PRPF38B: variants seen among roughly 807,000 people sequenced by gnomAD.
The protein encoded by PRPF38B is pre-mRNA-splicing factor 38B.
PRPF38B carries 18 observed loss-of-function variants against 67.2 expected under a neutral mutation model. The observed-to-expected ratio is 0.27, with a 90% CI of 0.19 to 0.40. The LOEUF (loss-of-function observed/expected upper bound fraction) is 0.40, where lower values mean the gene tolerates loss of function less well. PRPF38B is among the 10% of genes least tolerant of loss of function. The pLI, the probability that PRPF38B is intolerant of heterozygous loss-of-function variation, is 1.00. For missense variants in PRPF38B, 544 were observed against 684.9 expected (o/e 0.79, Z 2.30); for synonymous variants, 246 against 234.2 (o/e 1.05, Z -0.46).
intron 4 of PRPF38B, chr1:108,697,788 A>G (rs537856803): frequency 1.3e-5 from 2 of 152,158 alleles, no homozygotes; most frequent in Non-Finnish European, 2.9e-5. Context: ...TATTTAAGCT[A>G]ACTTATTGTT....
rs1439468877 is a variant in PRPF38B at position 108,699,913 on chromosome 1, C to G, written c.1534C>G (p.His512Asp). 1.4e-5 allele frequency: 23 copies of G among 1,614,000 alleles called. No individual in the cohort carries two copies. The highest frequency in any genetic ancestry group is 1.9e-5 in the Non-Finnish European group (23 of 1,180,020). Residue 512 changes from histidine to aspartate, a missense_variant, in exon 6 of 6, where the codon CAC becomes GAC. Coordinates refer to ENST00000370025, the MANE Select transcript of PRPF38B (RefSeq NM_018061.4). Reference protein sequence around the residue: ...RSKERSHKRDHSDSKDQSDKH... With the variant: ...RSKERSHKRDDSDSKDQSDKH... Reference sequence around the variant, plus strand: ...CAAAGAACGTTCCCACAAACGAGATCACAGTGATAGTAAGGACCAGTCAGA... The same window carrying G: ...CAAAGAACGTTCCCACAAACGAGATGACAGTGATAGTAAGGACCAGTCAGA...
At position 108,699,840 on chromosome 1, in the gene PRPF38B, A is replaced by G. The variant is rs1341925149; in HGVS notation, c.1461A>G (p.Lys487=). Residue 487 remains lysine (K), a synonymous_variant, in exon 6 of 6, where the codon AAA becomes AAG. Transcript: ENST00000370025. ...CTGACAGTGTTGAAAAATCAAAAAA[A>G]CGGGAACATAGTCCCAGCAAAGAAA... ...GRTDSVEKSK[K]REHSPSKEKS... 1.9e-6 allele frequency: 3 copies of G among 1,613,194 alleles called. No homozygotes were observed. Among genetic ancestry groups the G allele is most frequent in the Non-Finnish European group, 2.5e-6 (3 of 1,179,830 alleles).
In PRPF38B at chr1:108,699,820, A is replaced by G; in HGVS notation, c.1441A>G (p.Ser481Gly). The change falls in exon 6 of 6, where the codon AGT (serine) becomes GGT (glycine). Residue 481 changes from serine to glycine, a missense_variant. Ser to Gly is a moderately conservative substitution (Grantham distance 56). Around this residue, in one of 5 missense-constraint regions of PRPF38B, gnomAD observed 387 missense variants for 386.1 expected, o/e 1.00. Transcript: ENST00000370025. ...SRSGSQGRTD[S>G]VEKSKKREHS... Reference sequence around the variant, plus strand: ...AAGTGGCAGTCAAGGAAGAACTGACAGTGTTGAAAAATCAAAAAAACGGGA... The same window carrying G: ...AAGTGGCAGTCAAGGAAGAACTGACGGTGTTGAAAAATCAAAAAAACGGGA... The G allele has an allele frequency of 1.2e-6, 2 of 1,613,004 alleles. No individual in the cohort carries two copies. The highest frequency in any genetic ancestry group is 1.7e-5 in the Admixed American group (1 of 59,682).
rs957619563 is a variant in PRPF38B, at chr1:108,700,338, G to A, written c.*318G>A. On this transcript the variant is annotated 3_prime_UTR_variant, in exon 6 of 6. Coordinates refer to ENST00000370025, the MANE Select transcript of PRPF38B (RefSeq NM_018061.4). ...CATGGTTGCCATGTTGGTTAAATTT[G>A]TATAAGGCAATAAACTGCCACTAAT... 2.2e-5 allele frequency: 5 copies of A among 226,504 alleles called. No individual in the cohort carries two copies. The East Asian group carries it at 3.9e-4, about 18-fold the overall frequency. The allele number at this position is 226,504 out of a possible 1,614,324, so 14.0% of individuals were successfully genotyped here. A position where few individuals can be genotyped will look rare whatever the true frequency, so the allele number is the denominator to read the frequency against.
chr1:108,694,440 C>T (rs1659649950), intron 1 of PRPF38B, among the ~76,000 whole-genome samples: 1 of 151,998 alleles, frequency 6.6e-6, no homozygotes, highest in Non-Finnish European at 1.5e-5. Context: ...AACTAAAGAC[C>T]CAGTTTTTTT....
At chr1:108,692,940 G>GC (rs1659464029) in intron 1 of PRPF38B, 73 bp downstream of exon 1, 1 of 1,520,668 alleles carries the variant, frequency 6.6e-7, no homozygotes, top group Non-Finnish European at 8.8e-7. Context: ...GGCGAAGGCG[G>GC]CCCCCGAAAT....
intron 4 of PRPF38B, chr1:108,698,277 G>T: frequency 9.4e-6 from 2 of 211,806 alleles, no homozygotes; most frequent in Non-Finnish European, 1.9e-5. Context: ...TATGTCCACA[G>T]AAATAAATAC....
rs1660464433 is a variant in PRPF38B, at chr1:108,701,265, A to T, written c.*1245A>T. The T allele has an allele frequency of 6.5e-6, 1 of 152,674 alleles. No individual in the cohort carries two copies. Among genetic ancestry groups the T allele is most frequent in the Non-Finnish European group, 1.5e-5 (1 of 68,048 alleles). 9.5% of individuals were successfully genotyped at this position (152,674 alleles called of 1,614,324 possible). On this transcript the variant is annotated 3_prime_UTR_variant, in exon 6 of 6. Coordinates refer to ENST00000370025, the MANE Select transcript of PRPF38B (RefSeq NM_018061.4). Reference sequence around the variant, plus strand: ...GTGGAAATTGATGAAACGTCAGTAGAGTCACACTTTGTGTACAGGGATGTC... The same window carrying T: ...GTGGAAATTGATGAAACGTCAGTAGTGTCACACTTTGTGTACAGGGATGTC...
chr1:108,693,818 A>G (rs1270468694), intron 1 of PRPF38B, among the ~76,000 whole-genome samples: 1 of 152,184 alleles, frequency 6.6e-6, no homozygotes, highest in Admixed American at 6.5e-5. Flanking sequence ...CAGGCCTCCG[A>G]AAGTTAATTT....
rs777992314 is a variant in PRPF38B, at chr1:108,699,554, A to C, written c.1175A>C (p.Gln392Pro). 3 of 1,554,698 alleles carry C rather than the reference A, an allele frequency of 1.9e-6. No individual in the cohort carries two copies. The South Asian group carries it at 3.5e-5, about 18-fold the overall frequency. The change falls in exon 6 of 6, where the codon CAG (glutamine) becomes CCG (proline). Residue 392 changes from glutamine (Q) to proline (P), a missense_variant. Gln to Pro is a moderately conservative substitution (Grantham distance 76, BLOSUM62 -1). Transcript: ENST00000370025. ...CGATCAAGAGAAAGGTCCAAGGAAC[A>C]GAGAAGTAGGGGAGAGGTAGAAGAG... ...RERSRERSKEQRSRGEVEEKK... is the reference protein window; with the variant it reads ...RERSRERSKEPRSRGEVEEKK...
Position 108,692,442 on chromosome 1 carries a change from C to T in PRPF38B, c.-150C>T. ...GGGGTCATTTTGTCGGCGTCGGGTG[C>T]CCTCTCTTGCCCAGCTGGGGCACAG... On this transcript the variant is annotated 5_prime_UTR_variant, in exon 1 of 6. Transcript: ENST00000370025. 1.9e-5 allele frequency: 17 copies of T among 906,820 alleles called. No homozygotes were observed. The highest frequency in any genetic ancestry group is 2.6e-5 in the Non-Finnish European group (16 of 621,194). 56.2% of individuals were successfully genotyped at this position (906,820 alleles called of 1,614,324 possible). A position where few individuals can be genotyped will look rare whatever the true frequency, so the allele number is the denominator to read the frequency against.
chr1:108,695,890 G>A, intron 2 of PRPF38B, 120 bp downstream of exon 2: 1 of 1,366,512 alleles, frequency 7.3e-7, no homozygotes, highest in Non-Finnish European at 1.0e-6. Flanking sequence ...CCAAATTCAA[G>A]TGTTCAGTGA....
At position 108,696,352 on chromosome 1, in the gene PRPF38B, G is replaced by T. The variant is rs1659856824; in HGVS notation, c.558+15G>T. 1 of 1,594,512 alleles carries T rather than the reference G, an allele frequency of 6.3e-7. No individual in the cohort carries two copies. ...ATGATGAAGAGGTATGTCAACAAGG[G>T]TAATAATTTGTTTTCTTCTGATTAC... On this transcript the variant is annotated intron_variant, in intron 4 of 5. Transcript: ENST00000370025.
rs1209254290 is a variant in PRPF38B at position 108,700,226 on chromosome 1, A to G, written c.*206A>G. 1 of 808,346 alleles carries G rather than the reference A, an allele frequency of 1.2e-6. No homozygotes were observed. Among genetic ancestry groups the G allele is most frequent in the Non-Finnish European group, 1.7e-6 (1 of 571,696 alleles). The allele number at this position is 808,346 out of a possible 1,614,324, so 50.1% of individuals were successfully genotyped here. ...ACCCAATTGTTAAGTTTGATACATG[A>G]TGCACAGATTGTTCTTGCATTTTTA... On this transcript the variant is annotated 3_prime_UTR_variant, in exon 6 of 6. Coordinates refer to ENST00000370025, the MANE Select transcript of PRPF38B (RefSeq NM_018061.4).
Position 108,701,406 on chromosome 1 carries a change from T to G in PRPF38B, c.*1386T>G, listed in dbSNP as rs923716125. On this transcript the variant is annotated 3_prime_UTR_variant, in exon 6 of 6. Coordinates refer to ENST00000370025, the MANE Select transcript of PRPF38B (RefSeq NM_018061.4). ...AATGGCAGTTCCCTTTGTCAGTGGT[T>G]GTTACATGTGTCATTTGATTACTTT... 6.6e-6 allele frequency: 1 copy of G among 152,378 alleles called. No individual in the cohort carries two copies. The highest frequency in any genetic ancestry group is 1.5e-5 in the Non-Finnish European group (1 of 68,034). The allele number at this position is 152,378 out of a possible 1,614,324, so 9.4% of individuals were successfully genotyped here.
In PRPF38B at chr1:108,699,147, C is replaced by T. The variant is rs199622429; in HGVS notation, c.783-15C>T. On this transcript the variant is annotated splice_polypyrimidine_tract_variant and intron_variant, in intron 5 of 5. Coordinates refer to ENST00000370025, the MANE Select transcript of PRPF38B (RefSeq NM_018061.4). ...TTATTCATTGAAATTTTCTTTCTCC[C>T]TCCGCCTTCCTTAGGTCTCCAAGGA... 222 of 1,570,994 alleles carry T rather than the reference C, an allele frequency of 1.4e-4. No homozygotes were observed. Among genetic ancestry groups the T allele is most frequent in the Non-Finnish European group, 1.8e-4 (204 of 1,163,656 alleles).
In PRPF38B at chr1:108,699,738, A is replaced by G. The variant is rs750063689; in HGVS notation, c.1359A>G (p.Lys453=). 1 of 1,613,690 alleles carries G rather than the reference A, an allele frequency of 6.2e-7. No homozygotes were observed. Among genetic ancestry groups the G allele is most frequent in the African/African-American group, 1.3e-5 (1 of 74,914 alleles). The part of the protein sequence containing the change: ...NAGKRSRSRS[K]EKSSKHKNES... ...GGAAACGAAGTAGAAGTAGAAGCAA[A>G]GAGAAATCAAGTAAACATAAAAATG... Residue 453 remains lysine (K), a synonymous_variant, in exon 6 of 6, where the codon AAA becomes AAG. Coordinates refer to ENST00000370025, the MANE Select transcript of PRPF38B (RefSeq NM_018061.4).
At chr1:108,695,999 C>A (rs200293137) in intron 2 of PRPF38B, 44 bp from the exon 3 acceptor site, 2 of 1,581,382 alleles carry the variant, frequency 1.3e-6, no homozygotes, top group East Asian at 2.2e-5. Flanking sequence ...GTTAAGAGTC[C>A]GTTAATTATT....
Position 108,692,565 on chromosome 1 carries a change from T to G in PRPF38B, c.-27T>G. The G allele has an allele frequency of 7.2e-7, 1 of 1,385,468 alleles. No individual in the cohort carries two copies. The highest frequency in any genetic ancestry group is 9.7e-7 in the Non-Finnish European group (1 of 1,026,676). The allele number at this position is 1,385,468 out of a possible 1,614,324, so 85.8% of individuals were successfully genotyped here. ...AGCTTGGCCCCCTCCCCCCCCTCCT[T>G]CCCTCCCTCCTTCCTTCCGCCGCAA... is the stretch of plus-strand genomic sequence containing the variant. On this transcript the variant is annotated 5_prime_UTR_variant, in exon 1 of 6. Coordinates refer to ENST00000370025, the MANE Select transcript of PRPF38B (RefSeq NM_018061.4).
Sources: allele counts gnomAD v4.1 joint callset (sites outside exome capture counted in the v4.1 genomes callset), GRCh38; gene constraint gnomAD v4.1.1; regional missense constraint gnomAD v4.1.1; transcripts MANE v1.5; gene names NCBI Gene and HGNC (gene_info 2026-07-23, HGNC 2026-07-21).